The following LTBP1 variants were observed in gnomAD, a reference collection of about 807,000 sequenced individuals.
LTBP1 encodes the protein latent-transforming growth factor beta-binding protein 1.
In LTBP1, 129 loss-of-function variants were observed where a neutral mutation model predicts 207.6. The ratio of observed to expected loss-of-function variants is 0.62; its 90% CI spans 0.54 to 0.72. LTBP1 has a LOEUF of 0.72. LTBP1 is among the 30% of genes least tolerant of loss of function. LTBP1 has a pLI of 0.00. For missense variants in LTBP1, 2,281 were observed against 2,217.2 expected, an observed-to-expected ratio of 1.03 and a Z score of -0.58; for synonymous variants, 963 against 833.7, an observed-to-expected ratio of 1.16 and a Z score of -2.67.
At chr2:32,982,889 A>G (rs571224001) in intron 2 of LTBP1, among the ~76,000 whole-genome samples, 1 of 152,146 alleles carries the variant, frequency 6.6e-6, no homozygotes, top group African/African-American at 2.4e-5. Context: ...CTCATGGAGA[A>G]CCTCTGTTAC....
intron 3 of LTBP1, among the ~76,000 whole-genome samples, chr2:33,060,741 A>G (rs2077229751): frequency 6.6e-6 from 1 of 151,890 alleles, no homozygotes; most frequent in Admixed American, 6.6e-5. Context: ...CAGAGCATGA[A>G]TTATTTTCTT....
intron 2 of LTBP1, among the ~76,000 whole-genome samples, chr2:33,015,211 A>G (rs192997574): frequency 1.1e-4 from 16 of 152,320 alleles, no homozygotes; most frequent in Admixed American, 6.5e-4. Flanking sequence ...CTATAACATA[A>G]GGTTAAATGT....
intron 26 of LTBP1, among the ~76,000 whole-genome samples, chr2:33,354,023 C>A (rs1037011187): frequency 8.5e-5 from 13 of 152,090 alleles, no homozygotes; most frequent in African/African-American, 2.9e-4. Flanking sequence ...CCATGCCCTG[C>A]TAATTTTGTT....
At chr2:32,975,872 C>T (rs1028589637) in intron 2 of LTBP1, among the ~76,000 whole-genome samples, 23 of 151,992 alleles carry the variant, frequency 1.5e-4, no homozygotes, top group African/African-American at 5.3e-4. Context: ...GATCTTTGTT[C>T]CTATCCATTT....
intron 4 of LTBP1, among the ~76,000 whole-genome samples, chr2:33,129,776 A>G (rs1222977306): frequency 2.0e-5 from 3 of 152,124 alleles, no homozygotes; most frequent in Non-Finnish European, 4.4e-5. Context: ...TTAGATTTCT[A>G]TCACTGTTGT....
intron 3 of LTBP1, among the ~76,000 whole-genome samples, chr2:33,098,794 C>A (rs755811203): frequency 3.3e-5 from 5 of 152,104 alleles, no homozygotes; most frequent in African/African-American, 1.2e-4. Flanking sequence ...GTCAAACTTG[C>A]ATTATTTGCT....
chr2:33,365,258 T>C, intron 30 of LTBP1, 75 bp from the exon 31 acceptor site: 7 of 1,319,568 alleles, frequency 5.3e-6, no homozygotes, highest in Non-Finnish European at 7.5e-6. Flanking sequence ...ACTTTGAGAC[T>C]TGCTGGCTTC....
intron 8 of LTBP1, 57 bp downstream of exon 8, chr2:33,217,711 A>G (rs2090817577): frequency 1.7e-6 from 2 of 1,202,498 alleles, no homozygotes; most frequent in South Asian, 2.5e-5. Context: ...GTTTTTTATG[A>G]TTACTCCTTT....
intron 7 of LTBP1, among the ~76,000 whole-genome samples, chr2:33,191,098 A>G (rs745446406): frequency 1.3e-5 from 2 of 152,316 alleles, no homozygotes; most frequent in Non-Finnish European, 2.9e-5. Context: ...GGAGAAAGGA[A>G]AAAGCAGATC....
At chr2:33,380,198 A>G (rs559102863) in intron 31 of LTBP1, among the ~76,000 whole-genome samples, 1 of 152,314 alleles carries the variant, frequency 6.6e-6, no homozygotes, top group Non-Finnish European at 1.5e-5. Flanking sequence ...TAACAGCGTC[A>G]TCTAGTGGTG....
intron 7 of LTBP1, among the ~76,000 whole-genome samples, chr2:33,192,625 TA>T (rs1491074478): frequency 6.6e-6 from 1 of 151,992 alleles, no homozygotes; most frequent in East Asian, 1.9e-4. Flanking sequence ...CTTGATTTTT[TA>T]AAAAAAAGCC....
At chr2:33,026,925 T>C (rs2075442884) in intron 3 of LTBP1, among the ~76,000 whole-genome samples, 1 of 152,246 alleles carries the variant, frequency 6.6e-6, no homozygotes, top group Non-Finnish European at 1.5e-5. Flanking sequence ...CCCCTTGTTC[T>C]TAGACTCAGC....
chr2:33,257,248 A>C, intron 11 of LTBP1, 36 bp from the exon 12 acceptor site: 1 of 1,542,844 alleles, frequency 6.5e-7, no homozygotes, highest in South Asian at 1.1e-5. Context: ...GCACTGTTAG[A>C]TTTTTAAAAG....
At chr2:33,146,279 T>A (rs79037232) in intron 5 of LTBP1, among the ~76,000 whole-genome samples, 2,433 of 152,326 alleles carry the variant, frequency 0.016, 26 homozygotes, top group East Asian at 0.029. Context: ...GGCACTGCTC[T>A]TCTTACTCTC....
At chr2:33,261,560 T>C (rs1181293110) in intron 13 of LTBP1, among the ~76,000 whole-genome samples, 1 of 88,748 alleles carries the variant, frequency 1.1e-5, no homozygotes, top group East Asian at 1.1e-3. Flanking sequence ...TGAAAAAGGG[T>C]GAACAACTGT....
chr2:33,372,221 T>TA (rs1033696734), intron 31 of LTBP1, among the ~76,000 whole-genome samples: 5 of 152,232 alleles, frequency 3.3e-5, no homozygotes, highest in Admixed American at 3.3e-4. Context: ...ATCTACGTTC[T>TA]AACCTCTTCA....
chr2:32,964,026 A>G (rs377681632), intron 2 of LTBP1, among the ~76,000 whole-genome samples: 41 of 152,360 alleles, frequency 2.7e-4, no homozygotes, highest in African/African-American at 9.1e-4. Flanking sequence ...GAAATGAAGA[A>G]CAAGCTCTTG....
intron 3 of LTBP1, among the ~76,000 whole-genome samples, chr2:33,082,354 C>G (rs957030775): frequency 6.6e-6 from 1 of 151,074 alleles, no homozygotes; most frequent in African/African-American, 2.4e-5. Flanking sequence ...GTTATAGCAG[C>G]ACAAACAGAC....
At chr2:33,368,262 A>G in intron 31 of LTBP1, among the ~76,000 whole-genome samples, 1 of 152,184 alleles carries the variant, frequency 6.6e-6, no homozygotes, top group East Asian at 1.9e-4. Flanking sequence ...CTTTATGGAA[A>G]ACAGTATGGA....
Sources: allele counts gnomAD v4.1 joint callset (sites outside exome capture counted in the v4.1 genomes callset), GRCh38; gene constraint gnomAD v4.1.1; transcripts MANE v1.5; gene names NCBI Gene and HGNC (gene_info 2026-07-23, HGNC 2026-07-21).